Variants in VPS13C observed in about 807,000 individuals in gnomAD.
VPS13C encodes the protein intermembrane lipid transfer protein VPS13C.
Under a neutral mutation model 456.8 loss-of-function variants are expected in VPS13C, and 358 were observed. The observed-to-expected ratio is 0.78, with a 90% CI of 0.72 to 0.86. The LOEUF (loss-of-function observed/expected upper bound fraction) is 0.86, where lower values mean the gene tolerates loss of function less well. VPS13C is among the 40% of genes least tolerant of loss of function. VPS13C has a pLI of 0.00. For missense variants in VPS13C, 4,818 were observed against 4,385.4 expected, an observed-to-expected ratio of 1.10 and a Z score of -2.79; for synonymous variants, 1,578 against 1,486.7, an observed-to-expected ratio of 1.06 and a Z score of -1.41.
intron 27 of VPS13C, among the ~76,000 whole-genome samples, chr15:61,972,271 G>T (rs990228882): frequency 6.6e-6 from 1 of 152,076 alleles, no homozygotes; most frequent in Non-Finnish European, 1.5e-5. Flanking sequence ...ATGATAATGA[G>T]CAATATTATT....
rs71125959 is a variant in VPS13C, at chr15:61,970,859, TAAAAAAA to T, written c.2758-1414_2758-1408del. Among the ~76,000 whole-genome samples the T allele has an allele frequency of 7.9e-3, 993 of 125,848 alleles. 10 individuals carry two copies. The highest frequency in any genetic ancestry group is 0.05 in the South Asian group (192 of 3,866). 82.6% of individuals were successfully genotyped at this position (125,848 alleles called of 152,430 possible). On this transcript the variant is annotated intron_variant, in intron 27 of 84. Coordinates refer to ENST00000644861, the MANE Select transcript of VPS13C (RefSeq NM_020821.3). ...ATTGAACAAATACCTGAAGTTAGTT[TAAAAAAA>T]AAAAAAAAAAAAAAATCAAGCCATG...
At chr15:61,930,632 G>A (rs1279533675) in intron 50 of VPS13C, among the ~76,000 whole-genome samples, 7 of 152,076 alleles carry the variant, frequency 4.6e-5, no homozygotes, top group Non-Finnish European at 2.9e-5. Flanking sequence ...TTTCAAAAAC[G>A]GCTTGATGAT....
chr15:62,026,633 A>G (rs1337174761), intron 6 of VPS13C, among the ~76,000 whole-genome samples: 1 of 152,112 alleles, frequency 6.6e-6, no homozygotes, highest in Non-Finnish European at 1.5e-5. Context: ...CCAGAAAAAA[A>G]GCAACTAGCT....
intron 29 of VPS13C, among the ~76,000 whole-genome samples, 195 bp downstream of exon 29, chr15:61,967,173 G>C (rs914900818): frequency 6.6e-6 from 1 of 151,908 alleles, no homozygotes; most frequent in Non-Finnish European, 1.5e-5. Context: ...AAGAAGTTTA[G>C]TGACTTTGTA....
intron 38 of VPS13C, among the ~76,000 whole-genome samples, chr15:61,953,638 C>G (rs569851538): frequency 8.6e-5 from 13 of 152,046 alleles, no homozygotes; most frequent in South Asian, 4.2e-4. Flanking sequence ...CAGTCTATCA[C>G]TGTTGGACAT....
At chr15:61,991,886 TTC>T in intron 16 of VPS13C, 84 bp from the exon 17 acceptor site, 1 of 1,429,646 alleles carries the variant, frequency 7.0e-7, no homozygotes, top group South Asian at 1.4e-5. Flanking sequence ...AAAACAATGG[TTC>T]TTTTTTTTTT....
At position 61,862,863 on chromosome 15, in the gene VPS13C, C is replaced by G. The variant is rs116110690; in HGVS notation, c.10952+577G>C. Reference sequence around the variant, plus strand: ...TGCCTTACTCTTATAAAGCTCAACACTAAGAAAGTTCTGAAAATTATTAAT... The same window carrying G: ...TGCCTTACTCTTATAAAGCTCAACAGTAAGAAAGTTCTGAAAATTATTAAT... On this transcript the variant is annotated intron_variant, in intron 82 of 84. Coordinates refer to ENST00000644861, the MANE Select transcript of VPS13C (RefSeq NM_020821.3). 2.7e-3 allele frequency among the ~76,000 whole-genome samples: 414 copies of G among 152,148 alleles called. 2 individuals carry two copies. The highest frequency in any genetic ancestry group is 9.9e-3 in the African/African-American group (412 of 41,534).
At chr15:61,953,030 A>C (rs191477294) in intron 38 of VPS13C, among the ~76,000 whole-genome samples, 19 of 152,186 alleles carry the variant, frequency 1.2e-4, no homozygotes, top group African/African-American at 3.6e-4. Context: ...AGCCTACTTA[A>C]AACTTTATTA....
intron 81 of VPS13C, chr15:61,865,732 GTGTA>G (rs1894524672): frequency 7.7e-6 from 4 of 517,284 alleles, no homozygotes; most frequent in African/African-American, 2.1e-5. Flanking sequence ...ATGTGTTTGT[GTGTA>G]TGTATATCTG....
intron 1 of VPS13C, among the ~76,000 whole-genome samples, chr15:62,058,471 AAG>A (rs1339395749): frequency 3.3e-5 from 5 of 152,232 alleles, no homozygotes; most frequent in Non-Finnish European, 5.9e-5. Flanking sequence ...AAAAAATAAA[AAG>A]TATCAATTCA....
intron 24 of VPS13C, among the ~76,000 whole-genome samples, chr15:61,975,230 A>G (rs1242986650): frequency 6.6e-6 from 1 of 152,092 alleles, no homozygotes; most frequent in African/African-American, 2.4e-5. Flanking sequence ...ACTAGGACTG[A>G]AAAGCAAACG....
At chr15:62,059,754 G>C (rs952155184) in intron 1 of VPS13C, among the ~76,000 whole-genome samples, 2 of 152,176 alleles carry the variant, frequency 1.3e-5, no homozygotes, top group African/African-American at 4.8e-5. Flanking sequence ...AAGATCTCCT[G>C]CCCGTTCCTC....
chr15:61,947,901 C>T (rs1015036047), intron 42 of VPS13C, among the ~76,000 whole-genome samples: 9 of 152,108 alleles, frequency 5.9e-5, no homozygotes, highest in African/African-American at 1.2e-4. Flanking sequence ...TGTATATGCA[C>T]GCAGGTGTAT....
chr15:61,954,522 A>G lies in VPS13C; in HGVS notation c.4198T>C (p.Ser1400Pro). ...TTTTTTGAATCATGTACATCTTGTG[A>G]TATAGAGATTTCAAGGGGCTCTTTA... is the stretch of plus-strand genomic sequence containing the variant. ...EIKEPLEISI[S>P]QDVHDSKNTL... The change falls in exon 38 of 85, where the codon TCA becomes CCA. Residue 1400 changes from serine to proline, a missense_variant. Ser to Pro is a moderately conservative substitution (Grantham distance 74). This residue lies in a region of VPS13C where 4,552 missense variants were observed against 4,130.6 expected (regional missense o/e 1.10). Coordinates refer to ENST00000644861, the MANE Select transcript of VPS13C (RefSeq NM_020821.3). 6.3e-7 allele frequency: 1 copy of G among 1,599,218 alleles called. No homozygotes were observed. Among genetic ancestry groups the G allele is most frequent in the African/African-American group, 1.3e-5 (1 of 74,364 alleles).
chr15:62,029,404 C>G (rs1393903496), intron 5 of VPS13C, among the ~76,000 whole-genome samples: 1 of 152,040 alleles, frequency 6.6e-6, no homozygotes, highest in African/African-American at 2.4e-5. Context: ...TATCAGACTC[C>G]CAAACTGTTA....
Position 61,974,392 on chromosome 15 carries a change from A to G in VPS13C, c.2434T>C (p.Leu812=), listed in dbSNP as rs1216723775. 2.5e-6 allele frequency: 4 copies of G among 1,612,480 alleles called. No individual in the cohort carries two copies. Among genetic ancestry groups the G allele is most frequent in the Middle Eastern group, 3.3e-4 (2 of 6,054 alleles). The change falls in exon 25 of 85, where the codon TTG becomes CTG. Residue 812 remains leucine, a synonymous_variant. Transcript: ENST00000644861. ...TGGTCAGAAATTCTCACATGCATCA[A>G]AGGAAGTCCTCCTGACACTTTAAAT... ...ARFKVSGGLP[L]MHVRISDQKM...
Position 61,950,926 on chromosome 15 carries a change from TA to T in VPS13C, c.4536+18del. 6.6e-7 allele frequency: 1 copy of T among 1,524,822 alleles called. No homozygotes were observed. The highest frequency in any genetic ancestry group is 8.9e-7 in the Non-Finnish European group (1 of 1,119,004). The allele number at this position is 1,524,822 out of a possible 1,614,324, so 94.5% of individuals were successfully genotyped here. ...CATATATTCAAATATTAAAGAATCC[TA>T]GAAATGAAACTAGTTACCTTTGTCA... On this transcript the variant is annotated intron_variant, in intron 40 of 84. Transcript: ENST00000644861.
Position 61,867,188 on chromosome 15 carries a change from A to G in VPS13C, c.10863+1471T>C, listed in dbSNP as rs1894655662. ...AATTACATGTTCAACTTCTATCTAC[A>G]TTAATTAAAACTAATAATTATGAAA... On this transcript the variant is annotated intron_variant, in intron 81 of 84. Transcript: ENST00000644861. The surrounding 1 kb of genome is among the most constrained non-coding windows in gnomAD (Gnocchi z 5.0). 3.1e-6 allele frequency: 3 copies of G among 983,008 alleles called. No individual in the cohort carries two copies. In the South Asian group the frequency reaches 1.4e-4, roughly 46 times the overall value. 60.9% of individuals were successfully genotyped at this position (983,008 alleles called of 1,614,324 possible).
At chr15:62,015,953 A>G in intron 9 of VPS13C, among the ~76,000 whole-genome samples, 1 of 56,028 alleles carries the variant, frequency 1.8e-5, no homozygotes, top group East Asian at 5.1e-4. Context: ...AAATAAAAAA[A>G]GAAGTCCAAA....
Sources: gnomAD v4.1 joint callset for allele counts (sites outside exome capture counted in the v4.1 genomes callset) on GRCh38, gnomAD v4.1.1 for gene constraint, gnomAD v4.1.1 regional missense constraint, Gnocchi (gnomAD v3.1) non-coding constraint, MANE v1.5 for transcripts, NCBI Gene and HGNC (gene_info 2026-07-23, HGNC 2026-07-21) for gene names.